The following IGSF3 variants were observed in gnomAD, a reference collection of about 807,000 sequenced individuals.
The protein encoded by IGSF3 is immunoglobulin superfamily member 3, also known as glu-Trp-Ile EWI motif-containing protein 3.
IGSF3 carries 23 observed loss-of-function variants against 114.4 expected under a neutral mutation model. The ratio of observed to expected loss-of-function variants is 0.20; its 90% confidence interval spans 0.14 to 0.28. The LOEUF is 0.28. Among genes scored for constraint, IGSF3 ranks in the 10% least tolerant of loss-of-function variants. The pLI, the probability that IGSF3 is intolerant of heterozygous loss-of-function variation, is 1.00. For synonymous variants in IGSF3, 571 were observed against 645.2 expected (o/e 0.88, Z 1.74); for missense variants, 1,172 against 1,591.5 (o/e 0.74, Z 4.48).
At chr1:116,630,455 C>T (rs1647519291) in intron 2 of IGSF3, among the ~76,000 whole-genome samples, 1 of 152,182 alleles carries the variant, frequency 6.6e-6, no homozygotes, top group Admixed American at 6.5e-5. Context: ...TCACAGCCAC[C>T]CTGTGAGGGA....
Position 116,610,230 on chromosome 1 carries a change from G to C in IGSF3, c.833-1899C>G, listed in dbSNP as rs1016726598. Among the ~76,000 whole-genome samples, 4 of 152,144 alleles carry C rather than the reference G, an allele frequency of 2.6e-5. No individual in the cohort carries two copies. Among genetic ancestry groups the C allele is most frequent in the Non-Finnish European group, 5.9e-5 (4 of 68,024 alleles). ...ATAACCCAACATCAATGACAGAAAA[G>C]CACTCCTTCCACATAAACACCACTG... On this transcript the variant is annotated intron_variant, in intron 4 of 10. Transcript: ENST00000369486. This position sits in a 1 kb window ranked among gnomAD's most constrained non-coding sequence, Gnocchi z 4.3.
At position 116,584,849 on chromosome 1, in the gene IGSF3, C is replaced by T. The variant is rs1240429773; in HGVS notation, c.2644G>A (p.Ala882Thr). Residue 882 changes from alanine to threonine, a missense_variant, in exon 9 of 11, where the codon GCA (alanine) becomes ACA (threonine). Ala to Thr is a moderately conservative substitution (Grantham distance 58, BLOSUM62 0). This residue lies in a region of IGSF3 where 423 missense variants were observed against 509.8 expected (regional missense o/e 0.83). Transcript: ENST00000369486. The surrounding 1 kb of genome is among the most constrained non-coding windows in gnomAD (Gnocchi z 5.8). ...RDATFHYGEQ[A>T]AKNNLKGRLH... ...CGCCCCTTCAGATTGTTCTTGGCTG[C>T]CTGCTCTCCATAGTGGAAGGTGGCG... 6.2e-7 allele frequency: 1 copy of T among 1,614,248 alleles called. No individual in the cohort carries two copies. Among genetic ancestry groups the T allele is most frequent in the South Asian group, 1.1e-5 (1 of 91,086 alleles).
In IGSF3 at chr1:116,574,689, A is replaced by G. The variant is rs1385202749; in HGVS notation, c.*2623T>C. On this transcript the variant is annotated 3_prime_UTR_variant, in exon 11 of 11. Transcript: ENST00000369486. The surrounding 1 kb of genome is among the most constrained non-coding windows in gnomAD (Gnocchi z 5.2). The stretch of plus-strand genomic sequence containing the variant: ...CGCCTAGCACAGTGTAGTTTTTCAT[A>G]AATGCAACATTGTAGACATAGATGA... 1 of 152,656 alleles carries G rather than the reference A, an allele frequency of 6.6e-6. No homozygotes were observed. Among genetic ancestry groups the G allele is most frequent in the Non-Finnish European group, 1.5e-5 (1 of 68,042 alleles). 9.5% of individuals were successfully genotyped at this position (152,656 alleles called of 1,614,324 possible).
At chr1:116,587,795 G>A (rs190127933) in intron 8 of IGSF3, among the ~76,000 whole-genome samples, 111 of 152,260 alleles carry the variant, frequency 7.3e-4, no homozygotes, top group African/African-American at 1.8e-3. Flanking sequence ...CAGCACAAGC[G>A]AAGGCACGGA....
Position 116,579,860 on chromosome 1 carries a change from C to A in IGSF3, c.2866G>T (p.Asp956Tyr), listed in dbSNP as rs776325733. The change falls in exon 10 of 11, where the codon GAC (aspartate) becomes TAC (tyrosine). Residue 956 changes from aspartate (D) to tyrosine (Y), a missense_variant. Asp to Tyr is a radical substitution (Grantham distance 160). Around this residue, in one of 3 missense-constraint regions of IGSF3, gnomAD observed 423 missense variants for 509.8 expected, o/e 0.83. Coordinates refer to ENST00000369486, the MANE Select transcript of IGSF3 (RefSeq NM_001007237.3). The surrounding 1 kb of genome is among the most constrained non-coding windows in gnomAD (Gnocchi z 6.4). ...ACCGTGGCATTGGGGACCACTGTGT[C>A]CACCTGCAGGGAAGCATCTGGGGAA... Reference protein sequence around the residue: ...VMRPDASLQVDTVVPNATVSE... With the variant: ...VMRPDASLQVYTVVPNATVSE... 5 of 1,605,000 alleles carry A rather than the reference C, an allele frequency of 3.1e-6. No homozygotes were observed. The highest frequency in any genetic ancestry group is 4.3e-6 in the Non-Finnish European group (5 of 1,175,986).
At position 116,657,736 on chromosome 1, in the gene IGSF3, A is replaced by G. The variant is rs1648925521; in HGVS notation, c.43+8548T>C. On this transcript the variant is annotated intron_variant, in intron 2 of 10. Transcript: ENST00000369486. The surrounding 1 kb of genome is among the most constrained non-coding windows in gnomAD (Gnocchi z 4.2). Reference sequence around the variant, plus strand: ...GTACCCAGTGCCCTGCCGAGAGCAGAGACAGTGTTCTCAGAGTTGCTATCA... The same window carrying G: ...GTACCCAGTGCCCTGCCGAGAGCAGGGACAGTGTTCTCAGAGTTGCTATCA... Among the ~76,000 whole-genome samples the G allele has an allele frequency of 6.6e-6, 1 of 152,190 alleles. No individual in the cohort carries two copies. Among genetic ancestry groups the G allele is most frequent in the African/African-American group, 2.4e-5 (1 of 41,442 alleles).
chr1:116,598,786 G>C lies in IGSF3; in HGVS notation c.2029+1155C>G, dbSNP rs1386096333. 1.3e-5 allele frequency among the ~76,000 whole-genome samples: 2 copies of C among 152,204 alleles called. No individual in the cohort carries two copies. The highest frequency in any genetic ancestry group is 2.4e-5 in the African/African-American group (1 of 41,436). On this transcript the variant is annotated intron_variant, in intron 7 of 10. Transcript: ENST00000369486. This position sits in a 1 kb window ranked among gnomAD's most constrained non-coding sequence, Gnocchi z 4.3. ...AAGGAACACGGGAGCCTACTGCCTGGGCTCCACCCTCCACCAGCTTCTAAC... is the reference window on the plus strand; with the variant it reads ...AAGGAACACGGGAGCCTACTGCCTGCGCTCCACCCTCCACCAGCTTCTAAC...
rs200477999 is a variant in IGSF3 at position 116,588,829 on chromosome 1, C to T, written c.2305G>A (p.Val769Ile). ...CTGTCGCTGACCTCGGCTCTCTGGA[C>T]GGTGAGGCTGAACAGGCCCCCCGAC... ...HVSGGLFSLT[V>I]QRAEVSDSGS... Residue 769 changes from valine (V) to isoleucine (I), a missense_variant, in exon 8 of 11, where the codon GTC becomes ATC. By Grantham distance (29) the Val-to-Ile change is conservative (BLOSUM62 3). Around this residue, in one of 3 missense-constraint regions of IGSF3, gnomAD observed 736 missense variants for 1,042.0 expected, o/e 0.71. Coordinates refer to ENST00000369486, the MANE Select transcript of IGSF3 (RefSeq NM_001007237.3). This position sits in a 1 kb window ranked among gnomAD's most constrained non-coding sequence, Gnocchi z 4.9. The T allele has an allele frequency of 3.8e-5, 61 of 1,614,074 alleles. No individual in the cohort carries two copies. The highest frequency in any genetic ancestry group is 1.2e-4 in the African/African-American group (9 of 74,940).
chr1:116,617,531 A>G (rs1462814422), intron 2 of IGSF3, among the ~76,000 whole-genome samples: 1 of 152,190 alleles, frequency 6.6e-6, no homozygotes, highest in Non-Finnish European at 1.5e-5. Context: ...CTTCTCATCT[A>G]TCACATGATT....
chr1:116,601,328 T>A (rs1011385529), intron 6 of IGSF3, among the ~76,000 whole-genome samples: 9 of 152,214 alleles, frequency 5.9e-5, no homozygotes, highest in Non-Finnish European at 1.3e-4. Context: ...TTTAGGTTGC[T>A]TTACCCATGG....
intron 2 of IGSF3, among the ~76,000 whole-genome samples, chr1:116,660,968 A>C (rs969163373): frequency 6.6e-6 from 1 of 152,154 alleles, no homozygotes; most frequent in Non-Finnish European, 1.5e-5. Context: ...CACAGAAACA[A>C]CACCTACCTT....
chr1:116,621,718 A>T (rs1271356483), intron 2 of IGSF3, among the ~76,000 whole-genome samples: 1 of 152,198 alleles, frequency 6.6e-6, no homozygotes, highest in Admixed American at 6.5e-5. Context: ...GAGTCCATAA[A>T]CTTCAAAAGA....
rs1557887089 is a variant in IGSF3 at position 116,654,739 on chromosome 1, C to T, written c.43+11545G>A. ...GTTTGGGCTTCCTAGAAATTCAGAG[C>T]TAGGTGTGAAATTCCCAATTCCCAC... is the stretch of plus-strand genomic sequence containing the variant. On this transcript the variant is annotated intron_variant, in intron 2 of 10. Coordinates refer to ENST00000369486, the MANE Select transcript of IGSF3 (RefSeq NM_001007237.3). This position sits in a 1 kb window ranked among gnomAD's most constrained non-coding sequence, Gnocchi z 4.4. 6.6e-6 allele frequency among the ~76,000 whole-genome samples: 1 copy of T among 152,168 alleles called. No homozygotes were observed. The highest frequency in any genetic ancestry group is 1.5e-5 in the Non-Finnish European group (1 of 68,032).
rs1649146051 is a variant in IGSF3 at position 116,662,153 on chromosome 1, C to T, written c.43+4131G>A. ...CGGCGCGATCTCGGCTCACTGCAAC[C>T]TCTGCCTCCTGGGTTCAAGCGATTC... On this transcript the variant is annotated intron_variant, in intron 2 of 10. Transcript: ENST00000369486. The surrounding 1 kb of genome is among the most constrained non-coding windows in gnomAD (Gnocchi z 4.3). Among the ~76,000 whole-genome samples the T allele has an allele frequency of 6.6e-6, 1 of 152,116 alleles. No individual in the cohort carries two copies. Among genetic ancestry groups the T allele is most frequent in the Non-Finnish European group, 1.5e-5 (1 of 68,026 alleles).
Position 116,608,140 on chromosome 1 carries a change from G to A in IGSF3, c.1024C>T (p.His342Tyr), listed in dbSNP as rs1557868841. Reference protein sequence around the residue: ...AVPVLNSEFAHREARGQLKVA... With the variant: ...AVPVLNSEFAYREARGQLKVA... ...TTAAGCTGTCCCCTGGCTTCCCGGT[G>A]AGCAAATTCGCTGTTGAGGACAGGC... is the stretch of plus-strand genomic sequence containing the variant. Residue 342 changes from histidine (H) to tyrosine (Y), a missense_variant, in exon 5 of 11, where the codon CAC becomes TAC. This residue lies in a region of IGSF3 where 736 missense variants were observed against 1,042.0 expected (regional missense o/e 0.71). Transcript: ENST00000369486. The A allele has an allele frequency of 6.2e-7, 1 of 1,613,858 alleles. No homozygotes were observed. The highest frequency in any genetic ancestry group is 1.7e-5 in the Admixed American group (1 of 60,018).
At chr1:116,652,666 G>A (rs1354471552) in intron 2 of IGSF3, among the ~76,000 whole-genome samples, 1 of 152,140 alleles carries the variant, frequency 6.6e-6, no homozygotes, top group Non-Finnish European at 1.5e-5. Context: ...CACATATGAA[G>A]TCACATTCAA....
At chr1:116,658,364 G>C (rs1648959346) in intron 2 of IGSF3, among the ~76,000 whole-genome samples, 4 of 152,172 alleles carry the variant, frequency 2.6e-5, no homozygotes, top group Admixed American at 2.0e-4. Context: ...TGGATATACA[G>C]AAGCTCTTGC....
rs1647653968 is a variant in IGSF3 at position 116,632,851 on chromosome 1, A to C, written c.44-16394T>G. On this transcript the variant is annotated intron_variant, in intron 2 of 10. Transcript: ENST00000369486. This position sits in a 1 kb window ranked among gnomAD's most constrained non-coding sequence, Gnocchi z 5.1. ...GAGAAAGGGGTTTTGAAAAAGTTCT[A>C]AATCTCCATGGCTAGGGACAGTGAC... 6.6e-6 allele frequency among the ~76,000 whole-genome samples: 1 copy of C among 152,194 alleles called. No homozygotes were observed. The highest frequency in any genetic ancestry group is 1.5e-5 in the Non-Finnish European group (1 of 68,024).
Position 116,666,902 on chromosome 1 carries a change from C to A in IGSF3, c.-576G>T, listed in dbSNP as rs1251023063. ...CTGCCCCACGCCTGCCTAGGGCACA[C>A]GAAGCAAGTTGGCGTTCGGCAGCCC... is the stretch of plus-strand genomic sequence containing the variant. On this transcript the variant is annotated 5_prime_UTR_variant, in exon 2 of 11. Transcript: ENST00000369486. 2.5e-6 allele frequency: 1 copy of A among 402,756 alleles called. No homozygotes were observed. The highest frequency in any genetic ancestry group is 4.4e-6 in the Non-Finnish European group (1 of 228,618). 24.9% of individuals were successfully genotyped at this position (402,756 alleles called of 1,614,324 possible). A position where few individuals can be genotyped will look rare whatever the true frequency, so the allele number is the denominator to read the frequency against.
Sources: gnomAD v4.1 joint callset for allele counts (sites outside exome capture counted in the v4.1 genomes callset) on GRCh38, gnomAD v4.1.1 for gene constraint, gnomAD v4.1.1 regional missense constraint, Gnocchi (gnomAD v3.1) non-coding constraint, MANE v1.5 for transcripts, NCBI Gene and HGNC (gene_info 2026-07-23, HGNC 2026-07-21) for gene names.